Variants in SLFN12L observed in about 807,000 individuals in gnomAD.
SLFN12L encodes the protein schlafen family member 12-like.
SLFN12L carries 34 observed loss-of-function variants against 34.8 expected under a neutral mutation model. That is an observed-to-expected ratio of 0.98 (90% CI 0.74 to 1.30). The LOEUF is 1.30. Among genes scored for constraint, SLFN12L ranks in the 50% most tolerant of loss-of-function variants. The pLI, the probability that SLFN12L is intolerant of heterozygous loss-of-function variation, is 0.00. For missense variants in SLFN12L, 703 were observed against 696.2 expected (o/e 1.01, Z -0.11); for synonymous variants, 259 against 247.5 (o/e 1.05, Z -0.44).
At chr17:35,488,011 A>G (rs139148737) in intron 2 of SLFN12L, among the ~76,000 whole-genome samples, 2,293 of 152,250 alleles carry the variant, frequency 0.015, 28 homozygotes, top group Non-Finnish European at 0.022. Context: ...GATAGAGACC[A>G]TCCTGGCTAA....
At chr17:35,515,504 G>A (rs1416398836) in intron 2 of SLFN12L, among the ~76,000 whole-genome samples, 1 of 151,948 alleles carries the variant, frequency 6.6e-6, no homozygotes, top group African/African-American at 2.4e-5. Context: ...TTCTCGTTCT[G>A]TCACCCCAGG....
At chr17:35,507,991 T>C (rs1400414751) in intron 2 of SLFN12L, among the ~76,000 whole-genome samples, 1 of 152,166 alleles carries the variant, frequency 6.6e-6, no homozygotes, top group Admixed American at 6.5e-5. Context: ...AAGGCAGAAA[T>C]GAAATCCACA....
At chr17:35,482,619 C>T (rs1450113592) in intron 2 of SLFN12L, among the ~76,000 whole-genome samples, 1 of 152,196 alleles carries the variant, frequency 6.6e-6, no homozygotes, top group African/African-American at 2.4e-5. Context: ...CTGAGAAGAT[C>T]CCCCTGCCCT....
chr17:35,536,808 C>CA (rs567836499), intron 1 of SLFN12L, among the ~76,000 whole-genome samples: 2,169 of 128,396 alleles, frequency 0.017, 20 homozygotes, highest in Middle Eastern at 0.031. Context: ...GAGCCTGTCT[C>CA]AAAAAAAAAA....
At position 35,530,413 on chromosome 17, in the gene SLFN12L, GGAAGGAAGGA is replaced by G. The variant is rs1567693547; in HGVS notation, c.-606+7150_-606+7159del. ...AGGAAGGAAGGAAGGAAGGAAGGAA[GGAAGGAAGGA>G]AGGAAGGGAAGGGAAGGGAAGAAAG... On this transcript the variant is annotated intron_variant, in intron 1 of 4. Transcript: ENST00000628453. Among the ~76,000 whole-genome samples the G allele has an allele frequency of 2.5e-3, 31 of 12,564 alleles. 1 individual carries two copies. The highest frequency in any genetic ancestry group is 7.0e-3 in the African/African-American group (31 of 4,428). 8.2% of individuals were successfully genotyped at this position (12,564 alleles called of 152,430 possible).
chr17:35,491,922 C>T (rs1253073318), intron 2 of SLFN12L, among the ~76,000 whole-genome samples: 1 of 152,228 alleles, frequency 6.6e-6, no homozygotes, highest in Non-Finnish European at 1.5e-5. Flanking sequence ...AGTTCTGCCA[C>T]TCTAAGCTGT....
rs1314743145 is a variant in SLFN12L at position 35,466,064 on chromosome 17, C to T, written c.*8859G>A. Among the ~76,000 whole-genome samples, 5 of 152,068 alleles carry T rather than the reference C, an allele frequency of 3.3e-5. No individual in the cohort carries two copies. The highest frequency in any genetic ancestry group is 4.8e-5 in the African/African-American group (2 of 41,390). ...ACAAAGATTTTCCATATACCCACTG[C>T]CCGCACTCATGCATAGCCTCCCCCA... On this transcript the variant is annotated 3_prime_UTR_variant, in exon 5 of 5. Coordinates refer to ENST00000628453, the MANE Select transcript of SLFN12L (RefSeq NM_001363830.2).
intron 1 of SLFN12L, among the ~76,000 whole-genome samples, chr17:35,528,432 C>T (rs8082336): frequency 0.77 from 117,026 of 152,098 alleles, 46,145 homozygotes; most frequent in Non-Finnish European, 0.86. Context: ...TCAAGCTACC[C>T]TACTTCAAAC....
intron 2 of SLFN12L, among the ~76,000 whole-genome samples, chr17:35,501,841 C>A (rs929499185): frequency 1.3e-5 from 2 of 152,158 alleles, no homozygotes; most frequent in African/African-American, 4.8e-5. Context: ...GGCACCCAGA[C>A]CAGTTCCCAT....
At chr17:35,508,264 A>G (rs557657485) in intron 2 of SLFN12L, among the ~76,000 whole-genome samples, 203 of 152,290 alleles carry the variant, frequency 1.3e-3, no homozygotes, top group African/African-American at 4.7e-3. Flanking sequence ...CGGGGAGCTC[A>G]GTTTTTGGAG....
At chr17:35,508,351 G>A (rs1567675864) in intron 2 of SLFN12L, among the ~76,000 whole-genome samples, 1 of 152,112 alleles carries the variant, frequency 6.6e-6, no homozygotes, top group Non-Finnish European at 1.5e-5. Flanking sequence ...TTTGTCTGCA[G>A]CTCATCCTGC....
chr17:35,478,822 A>G (rs1914152744), intron 3 of SLFN12L, among the ~76,000 whole-genome samples: 1 of 152,220 alleles, frequency 6.6e-6, no homozygotes, highest in Middle Eastern at 3.2e-3. Context: ...CCTGAAAGAA[A>G]AACGAAAAGA....
Position 35,501,495 on chromosome 17 carries a change from T to C in SLFN12L, c.86+20784A>G, listed in dbSNP as rs991026137. ...TTTTGACCTGGCTTGGATTTCTTGA[T>C]ACTCTGATTTTGGTTTTGATTCTGG... On this transcript the variant is annotated intron_variant, in intron 2 of 4. Transcript: ENST00000628453. 5.9e-5 allele frequency among the ~76,000 whole-genome samples: 9 copies of C among 152,332 alleles called. No individual in the cohort carries two copies. In the South Asian group the frequency reaches 8.3e-4, roughly 14 times the overall value.
chr17:35,524,598 C>A lies in SLFN12L; in HGVS notation c.-605-1629G>T, dbSNP rs866776847. Among the ~76,000 whole-genome samples the A allele has an allele frequency of 2.0e-5, 3 of 152,210 alleles. No homozygotes were observed. In the South Asian group the frequency reaches 6.2e-4, roughly 32 times the overall value. On this transcript the variant is annotated intron_variant, in intron 1 of 4. Coordinates refer to ENST00000628453, the MANE Select transcript of SLFN12L (RefSeq NM_001363830.2). The stretch of plus-strand genomic sequence containing the variant: ...CAGGCAAACGGGGTCTGCAGTGGAC[C>A]TCCAGCAAACTCCAGCAGACCTGCA...
chr17:35,487,565 A>G (rs1006497518), intron 2 of SLFN12L, among the ~76,000 whole-genome samples: 79 of 152,216 alleles, frequency 5.2e-4, no homozygotes, highest in African/African-American at 1.9e-3. Context: ...TGGAAACAGG[A>G]TTCCTTGCAG....
At chr17:35,519,457 T>C (rs1279368799) in intron 2 of SLFN12L, among the ~76,000 whole-genome samples, 1 of 152,140 alleles carries the variant, frequency 6.6e-6, no homozygotes, top group Non-Finnish European at 1.5e-5. Context: ...ATTAAATAAA[T>C]ACCTATAAGT....
In SLFN12L at chr17:35,467,574, A is replaced by G. The variant is rs115875858; in HGVS notation, c.*7349T>C. On this transcript the variant is annotated 3_prime_UTR_variant, in exon 5 of 5. Coordinates refer to ENST00000628453, the MANE Select transcript of SLFN12L (RefSeq NM_001363830.2). ...ATAGCCAGTTTAACAGAGAGACATA[A>G]GAGTCTCCCCAAACAACTTCTTTTA... Among the ~76,000 whole-genome samples, 60 of 152,336 alleles carry G rather than the reference A, an allele frequency of 3.9e-4. No homozygotes were observed. The highest frequency in any genetic ancestry group is 1.3e-3 in the African/African-American group (53 of 41,580).
intron 1 of SLFN12L, among the ~76,000 whole-genome samples, chr17:35,526,720 G>A (rs2142173445): frequency 6.6e-6 from 1 of 150,978 alleles, no homozygotes; most frequent in Non-Finnish European, 1.5e-5. Context: ...TGTGTAGAGG[G>A]AAATTTATAT....
chr17:35,532,871 G>A (rs1278123837), intron 1 of SLFN12L, among the ~76,000 whole-genome samples: 1 of 152,144 alleles, frequency 6.6e-6, no homozygotes. Context: ...CCAGCCTGGT[G>A]AGACCCTGTC....
Sources: gnomAD v4.1 joint callset for allele counts (sites outside exome capture counted in the v4.1 genomes callset) on GRCh38, gnomAD v4.1.1 for gene constraint, MANE v1.5 for transcripts, NCBI Gene and HGNC (gene_info 2026-07-23, HGNC 2026-07-21) for gene names.